ALG14: variants seen among roughly 807,000 people sequenced by gnomAD.
The protein encoded by ALG14 is ALG14 UDP-N-acetylglucosaminyltransferase subunit, also known as UDP-N-acetylglucosamine transferase subunit ALG14.
In ALG14, 17 loss-of-function variants were observed where a neutral mutation model predicts 22.8. The observed-to-expected ratio is 0.75, with a 90% CI of 0.51 to 1.12. ALG14 has a LOEUF of 1.12. Among genes scored for constraint, ALG14 ranks in the 50% most tolerant of loss-of-function variants. The probability of loss-of-function intolerance (pLI) is 0.00; values close to 1 mark genes in which losing one functional copy is unlikely to be tolerated. For synonymous variants in ALG14, 89 were observed against 103.7 expected, an observed-to-expected ratio of 0.86 and a Z score of 0.86; for missense variants, 288 against 271.8, an observed-to-expected ratio of 1.06 and a Z score of -0.42.
At chr1:94,998,476 T>C (rs1304551419) in intron 3 of ALG14, among the ~76,000 whole-genome samples, 2 of 152,254 alleles carry the variant, frequency 1.3e-5, no homozygotes, top group Admixed American at 1.3e-4. Flanking sequence ...AATGTGATGT[T>C]AATTATAAGC....
chr1:95,045,220 T>C (rs777074575), intron 2 of ALG14, among the ~76,000 whole-genome samples: 2 of 152,228 alleles, frequency 1.3e-5, no homozygotes, highest in Non-Finnish European at 2.9e-5. Flanking sequence ...TTTCTAGATA[T>C]AATTATTTAT....
rs912273031 is a variant in ALG14, at chr1:94,974,605, G to A, written c.*8471C>T. The stretch of plus-strand genomic sequence containing the variant: ...GAAAAAAAATCATTTTCCTATCCAT[G>A]GTGTAGAAATACATCTTCTGCCTTT... On this transcript the variant is annotated 3_prime_UTR_variant, in exon 4 of 4. Transcript: ENST00000370205. 1 of 152,160 alleles carries A rather than the reference G, an allele frequency of 6.6e-6. No individual in the cohort carries two copies. The highest frequency in any genetic ancestry group is 2.4e-5 in the African/African-American group (1 of 41,438). The allele number at this position is 152,160 out of a possible 1,614,324, so 9.4% of individuals were successfully genotyped here. A position where few individuals can be genotyped will look rare whatever the true frequency, so the allele number is the denominator to read the frequency against.
At chr1:95,055,292 G>C (rs1674886585) in intron 2 of ALG14, among the ~76,000 whole-genome samples, 1 of 152,110 alleles carries the variant, frequency 6.6e-6, no homozygotes, top group African/African-American at 2.4e-5. Flanking sequence ...AGATAACAAA[G>C]ATTCATAGTA....
chr1:94,993,320 TA>T (rs1183512101), intron 3 of ALG14, among the ~76,000 whole-genome samples: 1 of 146,388 alleles, frequency 6.8e-6, no homozygotes, highest in Non-Finnish European at 1.5e-5. Context: ...TATCTTTATA[TA>T]AATATATATT....
At chr1:95,056,450 G>C (rs1674935822) in intron 2 of ALG14, among the ~76,000 whole-genome samples, 1 of 151,962 alleles carries the variant, frequency 6.6e-6, no homozygotes, top group Non-Finnish European at 1.5e-5. Context: ...TTCGAGACCA[G>C]CCTGGGCAAC....
intron 3 of ALG14, among the ~76,000 whole-genome samples, chr1:94,997,592 C>T (rs1672941388): frequency 6.6e-6 from 1 of 152,194 alleles, no homozygotes; most frequent in Non-Finnish European, 1.5e-5. Context: ...GGCTCTACCA[C>T]TTCCTGCCTG....
rs543492134 is a variant in ALG14 at position 95,029,856 on chromosome 1, A to G, written c.289-2596T>C. On this transcript the variant is annotated intron_variant, in intron 2 of 3. Transcript: ENST00000370205. ...AGTGTAGAATGGGAGACCTGGGCTC[A>G]ATATGTATCCACTATTTTTATTTAT... 2.0e-5 allele frequency among the ~76,000 whole-genome samples: 3 copies of G among 152,316 alleles called. No individual in the cohort carries two copies. The South Asian group carries it at 6.2e-4, about 32-fold the overall frequency.
intron 3 of ALG14, among the ~76,000 whole-genome samples, chr1:95,018,577 CGGAA>C (rs956297291): frequency 1.3e-5 from 2 of 151,496 alleles, no homozygotes; most frequent in East Asian, 1.9e-4. Flanking sequence ...AAAAAAGGGA[CGGAA>C]GGAAGGAAGG....
At chr1:95,050,862 ATTT>A (rs34383912) in intron 2 of ALG14, among the ~76,000 whole-genome samples, 17 of 131,942 alleles carry the variant, frequency 1.3e-4, no homozygotes, top group Non-Finnish European at 1.6e-4. Context: ...TCCCTGGGTA[ATTT>A]TTTTTTTTTT....
chr1:95,039,957 G>A (rs959037597), intron 2 of ALG14, among the ~76,000 whole-genome samples: 1 of 151,996 alleles, frequency 6.6e-6, no homozygotes, highest in Non-Finnish European at 1.5e-5. Flanking sequence ...CGGATCACTT[G>A]ACCTCAGGAG....
chr1:95,048,757 T>A (rs1305241047), intron 2 of ALG14, among the ~76,000 whole-genome samples: 1 of 151,486 alleles, frequency 6.6e-6, no homozygotes, highest in East Asian at 1.9e-4. Context: ...TTTCAAGGTA[T>A]TTTTTTTTCA....
rs368855559 is a variant in ALG14 at position 94,982,699 on chromosome 1, C to CAAAAAAAAAAAAAAAAAAAA, written c.*357_*376dup. 1 of 79,462 alleles carries CAAAAAAAAAAAAAAAAAAAA rather than the reference C, an allele frequency of 1.3e-5. No homozygotes were observed. The allele number at this position is 79,462 out of a possible 1,614,324, so 4.9% of individuals were successfully genotyped here. A position where few individuals can be genotyped will look rare whatever the true frequency, so the allele number is the denominator to read the frequency against. The stretch of plus-strand genomic sequence containing the variant: ...TTCTTTTACAATGCAGAATACTTTA[C>CAAAAAAAAAAAAAAAAAAAA]AAAAAAAAAAAAAAAAAAAAAAAGC... On this transcript the variant is annotated 3_prime_UTR_variant, in exon 4 of 4. Transcript: ENST00000370205.
At chr1:95,059,642 TAAATG>T (rs1675066549) in intron 2 of ALG14, among the ~76,000 whole-genome samples, 1 of 151,902 alleles carries the variant, frequency 6.6e-6, no homozygotes, top group Non-Finnish European at 1.5e-5. Flanking sequence ...CAGCTTATTA[TAAATG>T]AAAGTCTAGA....
intron 3 of ALG14, among the ~76,000 whole-genome samples, chr1:95,025,228 C>T (rs1673778291): frequency 6.6e-6 from 1 of 152,090 alleles, no homozygotes; most frequent in South Asian, 2.1e-4. Context: ...TAAATAAAAA[C>T]ATCCAGCCCA....
chr1:94,996,973 G>A (rs890295703), intron 3 of ALG14, among the ~76,000 whole-genome samples: 6 of 152,108 alleles, frequency 3.9e-5, no homozygotes, highest in Admixed American at 1.3e-4. Flanking sequence ...GTAAGCCACC[G>A]CACCCAGCTG....
chr1:95,004,470 C>T (rs562385033), intron 3 of ALG14, among the ~76,000 whole-genome samples: 2 of 151,794 alleles, frequency 1.3e-5, no homozygotes, highest in South Asian at 4.2e-4. Flanking sequence ...GATCTGCCGG[C>T]CTTGGTCTCC....
intron 3 of ALG14, among the ~76,000 whole-genome samples, chr1:94,993,685 G>A (rs1391211873): frequency 6.6e-6 from 1 of 152,136 alleles, no homozygotes; most frequent in Non-Finnish European, 1.5e-5. Flanking sequence ...CGATGAATAA[G>A]CCTGAGCTTG....
Position 95,028,138 on chromosome 1 carries a change from A to T in ALG14, c.289-878T>A, listed in dbSNP as rs144677673. Among the ~76,000 whole-genome samples, 319 of 152,272 alleles carry T rather than the reference A, an allele frequency of 2.1e-3. 2 individuals are homozygous for T. Among genetic ancestry groups the T allele is most frequent in the African/African-American group, 7.3e-3 (304 of 41,562 alleles). ...AATACTCACATGCATACATACACACATCAGTATTTGTTAGTTTGGTTTTTT... is the reference window on the plus strand; with the variant it reads ...AATACTCACATGCATACATACACACTTCAGTATTTGTTAGTTTGGTTTTTT... On this transcript the variant is annotated intron_variant, in intron 2 of 3. Coordinates refer to ENST00000370205, the MANE Select transcript of ALG14 (RefSeq NM_144988.4).
chr1:95,069,551 A>G (rs1435923051), intron 1 of ALG14, among the ~76,000 whole-genome samples: 2 of 152,020 alleles, frequency 1.3e-5, no homozygotes, highest in Non-Finnish European at 2.9e-5. Flanking sequence ...CAGATTCCCT[A>G]GTCTTTATTC....
Sources: gnomAD v4.1 joint callset for allele counts (sites outside exome capture counted in the v4.1 genomes callset) on GRCh38, gnomAD v4.1.1 for gene constraint, MANE v1.5 for transcripts, NCBI Gene and HGNC (gene_info 2026-07-23, HGNC 2026-07-21) for gene names.